Variants in VGLL4 observed in about 807,000 individuals in gnomAD.
The protein encoded by VGLL4 is vestigial like family member 4, also known as transcription cofactor vestigial-like protein 4.
Under a neutral mutation model 21.0 loss-of-function variants are expected in VGLL4, and 7 were observed. The observed-to-expected ratio is 0.33, with a 90% CI of 0.19 to 0.63. VGLL4 has a LOEUF of 0.63. VGLL4 is among the 20% of genes least tolerant of loss of function. VGLL4 has a pLI of 0.78. For missense variants in VGLL4, 394 were observed against 425.7 expected (o/e 0.93, Z 0.66); for synonymous variants, 222 against 173.2 (o/e 1.28, Z -2.21).
chr3:11,614,864 C>T (rs1212231524), intron 1 of VGLL4, among the ~76,000 whole-genome samples: 1 of 152,204 alleles, frequency 6.6e-6, no homozygotes, highest in Non-Finnish European at 1.5e-5. Context: ...GAAACAGCTA[C>T]ATGCCCAAGT....
intron 1 of VGLL4, among the ~76,000 whole-genome samples, chr3:11,641,726 C>T (rs2075691233): frequency 6.6e-6 from 1 of 152,160 alleles, no homozygotes; most frequent in South Asian, 2.1e-4. Context: ...ACTCAATCTT[C>T]AAAATCAAAG....
At chr3:11,720,226 G>GC (rs11441827) in intron 1 of VGLL4, among the ~76,000 whole-genome samples, 152,034 of 152,040 alleles carry the variant, frequency 1, 76,014 homozygotes, top group Middle Eastern at 1. Flanking sequence ...CCCCCGGCTC[G>GC]CGAGCAGCCG....
In VGLL4 at chr3:11,671,481, G is replaced by A. The variant is rs1326600803; in HGVS notation, c.64+31490C>T. On this transcript the variant is annotated intron_variant, in intron 2 of 5. Coordinates refer to the VGLL4 transcript ENST00000273038. ...GGGATTGGTCCCAGGACCCCCAGGT[G>A]TACAAAAATCCATGCATACTCAAGT... The A allele has an allele frequency of 1.5e-5, 10 of 670,262 alleles. 1 individual carries two copies. Among genetic ancestry groups the A allele is most frequent in the South Asian group, 6.3e-5 (4 of 63,322 alleles). The allele number at this position is 670,262 out of a possible 1,614,324, so 41.5% of individuals were successfully genotyped here. A position where few individuals can be genotyped will look rare whatever the true frequency, so the allele number is the denominator to read the frequency against.
At chr3:11,665,101 CTTTTTTTT>C (rs59999510) in intron 2 of VGLL4, among the ~76,000 whole-genome samples, 10 of 96,948 alleles carry the variant, frequency 1.0e-4, no homozygotes, top group African/African-American at 2.4e-4. Context: ...GAATATTTTT[CTTTTTTTT>C]TTTTTTTTTT....
intron 1 of VGLL4, among the ~76,000 whole-genome samples, chr3:11,617,387 G>T (rs1363021546): frequency 6.6e-6 from 1 of 152,214 alleles, no homozygotes; most frequent in Non-Finnish European, 1.5e-5. Context: ...GACCTGACGA[G>T]GCGGGTCACT....
intron 2 of VGLL4, among the ~76,000 whole-genome samples, chr3:11,648,940 T>C (rs2075831734): frequency 6.6e-6 from 1 of 152,236 alleles, no homozygotes; most frequent in African/African-American, 2.4e-5. Flanking sequence ...AGATAACGCC[T>C]GTGTATAAAG....
rs570223939 is a variant in VGLL4 at position 11,714,172 on chromosome 3, C to T, written c.-14+6222G>A. Among the ~76,000 whole-genome samples the T allele has an allele frequency of 2.0e-4, 30 of 152,324 alleles. 1 individual carries two copies. The East Asian group carries it at 4.0e-3, about 21-fold the overall frequency. On this transcript the variant is annotated intron_variant, in intron 1 of 5. Coordinates refer to the VGLL4 transcript ENST00000273038. ...GCTCTGGGCTGCAAAACCCAACTTA[C>T]ATTACAACACATTTCACGGCCCTAT...
chr3:11,643,928 T>TC, upstream of VGLL4: 1 of 996,846 alleles, frequency 1.0e-6, no homozygotes, highest in South Asian at 4.4e-5. Flanking sequence ...TTGGCATGAC[T>TC]CCTATGCCGC....
intron 2 of VGLL4, among the ~76,000 whole-genome samples, chr3:11,600,355 T>C (rs1398252536): frequency 6.9e-6 from 1 of 145,370 alleles, no homozygotes; most frequent in Non-Finnish European, 1.5e-5. Flanking sequence ...CCTTTCTTAC[T>C]TATGAAAAGA....
intron 3 of VGLL4, 92 bp downstream of exon 3, chr3:11,564,705 C>T: frequency 6.9e-7 from 1 of 1,443,218 alleles, no homozygotes; most frequent in Non-Finnish European, 9.3e-7. Context: ...TCCCTCACCA[C>T]CGCCCTCGGA....
intron 2 of VGLL4, among the ~76,000 whole-genome samples, chr3:11,698,519 C>G (rs1424980935): frequency 6.6e-6 from 1 of 152,134 alleles, no homozygotes; most frequent in East Asian, 1.9e-4. Context: ...CAGAAAAAAA[C>G]AGCTGGAAAA....
chr3:11,711,498 C>G (rs542470821), intron 1 of VGLL4, among the ~76,000 whole-genome samples: 1 of 151,596 alleles, frequency 6.6e-6, no homozygotes, highest in South Asian at 2.1e-4. Flanking sequence ...ACCCGGGAGG[C>G]AGAGCTTGCA....
chr3:11,690,075 G>A (rs1288870151), intron 2 of VGLL4, among the ~76,000 whole-genome samples: 2 of 152,118 alleles, frequency 1.3e-5, no homozygotes, highest in South Asian at 4.1e-4. Flanking sequence ...TTGTATAAAT[G>A]TAATGCTTCG....
chr3:11,574,345 GC>G, intron 2 of VGLL4, among the ~76,000 whole-genome samples: 1 of 152,270 alleles, frequency 6.6e-6, no homozygotes, highest in East Asian at 1.9e-4. Flanking sequence ...GATCCACTGG[GC>G]CTCGGTCACC....
upstream of VGLL4, chr3:11,644,024 C>T (rs2075748240): frequency 1.0e-6 from 1 of 978,844 alleles, no homozygotes; most frequent in African/African-American, 1.8e-5. Flanking sequence ...ATCAGCCTCT[C>T]AATGTAGCAA....
At chr3:11,708,140 G>A (rs1222821205) in intron 1 of VGLL4, among the ~76,000 whole-genome samples, 2 of 152,164 alleles carry the variant, frequency 1.3e-5, no homozygotes, top group Non-Finnish European at 2.9e-5. Flanking sequence ...GGAAAATGGA[G>A]ATATTAATAT....
chr3:11,580,905 AT>A (rs2074204822), intron 2 of VGLL4, among the ~76,000 whole-genome samples: 1 of 152,200 alleles, frequency 6.6e-6, no homozygotes, highest in East Asian at 1.9e-4. Flanking sequence ...TGTGGTTCTC[AT>A]TTCTCACTGT....
intron 2 of VGLL4, among the ~76,000 whole-genome samples, chr3:11,661,757 C>G (rs2076043003): frequency 6.6e-6 from 1 of 152,102 alleles, no homozygotes; most frequent in African/African-American, 2.4e-5. Context: ...CAGGTGTGAG[C>G]CACTGCGCCC....
chr3:11,717,759 T>C (rs1485437984), intron 1 of VGLL4, among the ~76,000 whole-genome samples: 1 of 152,212 alleles, frequency 6.6e-6, no homozygotes, highest in East Asian at 1.9e-4. Flanking sequence ...ACTGTGTTTA[T>C]GTAGCTCTTT....
Sources: gnomAD v4.1 joint callset for allele counts (sites outside exome capture counted in the v4.1 genomes callset) on GRCh38, gnomAD v4.1.1 for gene constraint, MANE v1.5 for transcripts, NCBI Gene and HGNC (gene_info 2026-07-23, HGNC 2026-07-21) for gene names.